Variants in MPP7 observed in about 807,000 individuals in gnomAD.
The protein encoded by MPP7 is MAGUK p55 subfamily member 7.
In MPP7, 60 loss-of-function variants were observed where a neutral mutation model predicts 76.5. That is an observed-to-expected ratio of 0.78 (90% CI 0.64 to 0.97). The LOEUF is 0.97. Among genes scored for constraint, MPP7 ranks in the 50% least tolerant of loss-of-function variants. The probability of loss-of-function intolerance (pLI) is 0.00; values close to 1 mark genes in which losing one functional copy is unlikely to be tolerated. For missense variants in MPP7, 641 were observed against 694.0 expected (o/e 0.92, Z 0.86); for synonymous variants, 237 against 244.5 (o/e 0.97, Z 0.29).
chr10:28,110,250 C>T (rs1022032913), intron 11 of MPP7, among the ~76,000 whole-genome samples: 2 of 152,006 alleles, frequency 1.3e-5, no homozygotes, highest in East Asian at 1.9e-4. Flanking sequence ...CCACCACACC[C>T]GGCTAATTTT....
chr10:28,303,694 G>A (rs1006617583), upstream of MPP7, among the ~76,000 whole-genome samples: 3 of 152,132 alleles, frequency 2.0e-5, no homozygotes, highest in African/African-American at 4.8e-5. Context: ...AATGAGTAGG[G>A]TGCGGAGAAT....
At chr10:28,188,445 C>G (rs984236374) in intron 3 of MPP7, among the ~76,000 whole-genome samples, 4 of 151,990 alleles carry the variant, frequency 2.6e-5, no homozygotes, top group Admixed American at 2.0e-4. Flanking sequence ...ACTTCCAAGT[C>G]GCATGATATG....
At chr10:28,227,825 G>A (rs1340533913) in intron 2 of MPP7, among the ~76,000 whole-genome samples, 2 of 151,992 alleles carry the variant, frequency 1.3e-5, no homozygotes, top group Non-Finnish European at 2.9e-5. Flanking sequence ...TATTCCTTTG[G>A]GTATATACCC....
chr10:28,277,599 C>T (rs1170710673), intron 1 of MPP7, among the ~76,000 whole-genome samples: 1 of 151,866 alleles, frequency 6.6e-6, no homozygotes, highest in Non-Finnish European at 1.5e-5. Flanking sequence ...CTTTACAAGT[C>T]CACAAAGAAG....
intron 3 of MPP7, among the ~76,000 whole-genome samples, chr10:28,166,568 C>T (rs556406583): frequency 5.9e-5 from 9 of 151,982 alleles, no homozygotes; most frequent in South Asian, 2.1e-4. Context: ...CCATCACACC[C>T]GGCTAATTTT....
At chr10:28,292,104 C>T (rs754758516) in intron 1 of MPP7, among the ~76,000 whole-genome samples, 1 of 152,038 alleles carries the variant, frequency 6.6e-6, no homozygotes, top group Non-Finnish European at 1.5e-5. Context: ...ATACAAATAC[C>T]ATTATGTTCC....
intron 1 of MPP7, among the ~76,000 whole-genome samples, chr10:28,242,798 T>C (rs1839312470): frequency 6.6e-6 from 1 of 152,160 alleles, no homozygotes; most frequent in South Asian, 2.1e-4. Flanking sequence ...CATTGTGTTC[T>C]TCACTGCCAA....
intron 1 of MPP7, among the ~76,000 whole-genome samples, chr10:28,252,698 T>C (rs1192442636): frequency 6.6e-6 from 1 of 152,186 alleles, no homozygotes; most frequent in Non-Finnish European, 1.5e-5. Context: ...TTTTCCATCT[T>C]GGCAAAATCA....
intron 1 of MPP7, among the ~76,000 whole-genome samples, chr10:28,250,127 C>T (rs1588981593): frequency 6.6e-6 from 1 of 152,152 alleles, no homozygotes; most frequent in Non-Finnish European, 1.5e-5. Context: ...ATCTATACCA[C>T]CAAATTCTAA....
chr10:28,190,266 G>A (rs1260130660), intron 3 of MPP7, among the ~76,000 whole-genome samples: 2 of 151,782 alleles, frequency 1.3e-5, no homozygotes, highest in African/African-American at 2.4e-5. Context: ...TGACAGATCC[G>A]GCAGGCAAAA....
chr10:28,216,206 C>T (rs544127612), intron 2 of MPP7, among the ~76,000 whole-genome samples: 1 of 151,120 alleles, frequency 6.6e-6, no homozygotes, highest in Admixed American at 6.6e-5. Context: ...AGCAAGACCC[C>T]GTTTCTAAAA....
intron 2 of MPP7, among the ~76,000 whole-genome samples, chr10:28,223,070 G>T (rs1424322053): frequency 6.8e-6 from 1 of 147,928 alleles, no homozygotes; most frequent in Non-Finnish European, 1.5e-5. Flanking sequence ...GGAGGCAGAG[G>T]TTGCAGTGAG....
intron 11 of MPP7, chr10:28,119,144 T>C: frequency 1.2e-6 from 1 of 833,922 alleles, no homozygotes; most frequent in Non-Finnish European, 1.4e-6. Flanking sequence ...TTCTCTCATT[T>C]TCTTTTAATC....
intron 3 of MPP7, among the ~76,000 whole-genome samples, chr10:28,201,175 A>G (rs1837758835): frequency 6.6e-6 from 1 of 152,222 alleles, no homozygotes; most frequent in African/African-American, 2.4e-5. Context: ...CCACATATCA[A>G]CACTTCCATT....
At chr10:28,260,420 T>C (rs887689382) in intron 1 of MPP7, among the ~76,000 whole-genome samples, 7 of 152,120 alleles carry the variant, frequency 4.6e-5, no homozygotes, top group African/African-American at 1.7e-4. Context: ...CTTGTCAAGA[T>C]AAAGAAATCT....
intron 12 of MPP7, among the ~76,000 whole-genome samples, chr10:28,080,969 G>A (rs2133406622): frequency 6.6e-6 from 1 of 152,284 alleles, no homozygotes; most frequent in East Asian, 1.9e-4. Context: ...TCTGCTTTAT[G>A]TGGGAGGCTT....
chr10:28,286,324 C>G (rs944982171), intron 1 of MPP7, among the ~76,000 whole-genome samples: 14 of 150,930 alleles, frequency 9.3e-5, no homozygotes, highest in Admixed American at 8.6e-4. Context: ...CCAGCCTGGG[C>G]AACAGAGCGA....
intron 3 of MPP7, among the ~76,000 whole-genome samples, chr10:28,186,101 C>G (rs113904993): frequency 0.014 from 2,148 of 152,274 alleles, 31 homozygotes; most frequent in South Asian, 0.025. Context: ...AATCTCAGCA[C>G]TCTGGGAGGC....
chr10:28,062,101 C>T (rs1418391116), intron 13 of MPP7, among the ~76,000 whole-genome samples: 1 of 152,076 alleles, frequency 6.6e-6, no homozygotes, highest in Non-Finnish European at 1.5e-5. Context: ...ATGTAAACGT[C>T]TACTTTTTTC....
Sources: gnomAD v4.1 joint callset for allele counts (sites outside exome capture counted in the v4.1 genomes callset) on GRCh38, gnomAD v4.1.1 for gene constraint, MANE v1.5 for transcripts, NCBI Gene and HGNC (gene_info 2026-07-23, HGNC 2026-07-21) for gene names.